The following CES5A variants were observed in gnomAD, a reference collection of about 807,000 sequenced individuals.
CES5A encodes the protein carboxylesterase 5.
A neutral mutation model predicts 62.9 loss-of-function variants in CES5A; 67 were observed. The ratio of observed to expected loss-of-function variants is 1.07; its 90% CI spans 0.88 to 1.31. The LOEUF (loss-of-function observed/expected upper bound fraction) is 1.31. CES5A is among the 50% of genes most tolerant of loss of function. The pLI is 0.00. For synonymous variants in CES5A, 296 were observed against 280.8 expected (o/e 1.05, Z -0.54); for missense variants, 748 against 708.5 (o/e 1.06, Z -0.63).
upstream of CES5A, among the ~76,000 whole-genome samples, chr16:55,875,707 C>T (rs931644575): frequency 2.6e-5 from 4 of 152,172 alleles, no homozygotes; most frequent in East Asian, 1.9e-4. Flanking sequence ...ACAAGCAGCC[C>T]GGCTGGCCCT....
In CES5A at chr16:55,944,230, CT is replaced by C. The variant is rs1425686846; in HGVS notation, c.160+5554del. ...GACAGTACGACTCTGAACAAGACCC[CT>C]CTCCTCCAGGGACTTTTTGCCTCAC... On this transcript the variant is annotated intron_variant, in intron 2 of 13. Coordinates refer to the CES5A transcript ENST00000521992. The C allele has an allele frequency of 4.7e-6, 3 of 634,068 alleles. No homozygotes were observed. The African/African-American group carries it at 5.5e-5, about 12-fold the overall frequency. 39.3% of individuals were successfully genotyped at this position (634,068 alleles called of 1,614,324 possible). A position where few individuals can be genotyped will look rare whatever the true frequency, so the allele number is the denominator to read the frequency against.
intron 1 of CES5A, among the ~76,000 whole-genome samples, chr16:55,913,132 T>C (rs1295112798): frequency 6.6e-6 from 1 of 152,182 alleles, no homozygotes; most frequent in African/African-American, 2.4e-5. Flanking sequence ...GTTTTTCAGA[T>C]AATTTGGCAG....
At chr16:55,884,195 T>A (rs2033789910) in intron 1 of CES5A, among the ~76,000 whole-genome samples, 1 of 152,256 alleles carries the variant, frequency 6.6e-6, no homozygotes, top group Non-Finnish European at 1.5e-5. Flanking sequence ...TTGCCACAGA[T>A]CTGGGAACTG....
upstream of CES5A, among the ~76,000 whole-genome samples, chr16:55,930,087 A>G (rs1362671748): frequency 6.6e-6 from 1 of 152,096 alleles, no homozygotes; most frequent in Non-Finnish European, 1.5e-5. Flanking sequence ...GGTCAGATGG[A>G]ACACACCCAC....
rs988627219 is a variant in CES5A, at chr16:55,901,904, T to C, written c.-256+23419A>G. The stretch of plus-strand genomic sequence containing the variant: ...ATTGCAGCTGTGCTGGGATTGTCTG[T>C]CTGTTAGCACGTGGTTTAGCAGCCA... On this transcript the variant is annotated intron_variant, in intron 1 of 12. Transcript: ENST00000518005. 8.5e-5 allele frequency among the ~76,000 whole-genome samples: 13 copies of C among 152,332 alleles called. No homozygotes were observed. In the South Asian group the frequency reaches 2.7e-3, roughly 32 times the overall value.
rs568439841 is a variant in CES5A at position 55,946,836 on chromosome 16, C to T, written c.160+2949G>A. Among the ~76,000 whole-genome samples the T allele has an allele frequency of 2.6e-5, 4 of 152,356 alleles. No individual in the cohort carries two copies. The South Asian group carries it at 8.3e-4, about 32-fold the overall frequency. On this transcript the variant is annotated intron_variant, in intron 2 of 13. Transcript: ENST00000521992. ...TTTGGTTTGATCCAGGTACTCCAGG[C>T]ATCCCTCAGTTCTTGGACCACCAGG...
At chr16:55,941,777 T>C (rs1190323979) in intron 2 of CES5A, among the ~76,000 whole-genome samples, 1 of 152,112 alleles carries the variant, frequency 6.6e-6, no homozygotes, top group Non-Finnish European at 1.5e-5. Flanking sequence ...GGCACATAGA[T>C]AGCATAAGGG....
intron 2 of CES5A, among the ~76,000 whole-genome samples, chr16:55,933,864 G>C (rs1312927418): frequency 6.6e-6 from 1 of 152,000 alleles, no homozygotes; most frequent in African/African-American, 2.4e-5. Flanking sequence ...TCTTTGCAAT[G>C]GTCTACAAAG....
chr16:55,901,497 C>CA lies in CES5A; in HGVS notation c.-256+23825dup, dbSNP rs1237056307. Among the ~76,000 whole-genome samples the CA allele has an allele frequency of 5.3e-5, 8 of 152,138 alleles. No individual in the cohort carries two copies. In the South Asian group the frequency reaches 6.2e-4, roughly 12 times the overall value. ...ATAAAGTTAAAATAAAGCCCCTCAGCAAAAAATACACAAGGCTGCCCAACC... is the reference window on the plus strand; with the variant it reads ...ATAAAGTTAAAATAAAGCCCCTCAGCAAAAAAATACACAAGGCTGCCCAACC... On this transcript the variant is annotated intron_variant, in intron 1 of 12. Transcript: ENST00000518005.
intron 2 of CES5A, among the ~76,000 whole-genome samples, chr16:55,933,503 T>C (rs2034335327): frequency 6.6e-6 from 1 of 152,166 alleles, no homozygotes. Context: ...GCCCTTCCCT[T>C]CCAATGAATC....
chr16:55,874,924 G>A (rs2033666698), intron 1 of CES5A, among the ~76,000 whole-genome samples: 1 of 152,194 alleles, frequency 6.6e-6, no homozygotes, highest in Non-Finnish European at 1.5e-5. Flanking sequence ...TGCAGGGTGT[G>A]AGCAACCCAA....
upstream of CES5A, among the ~76,000 whole-genome samples, chr16:55,929,684 T>C (rs528403932): frequency 1.3e-5 from 2 of 152,264 alleles, no homozygotes; most frequent in African/African-American, 2.4e-5. Flanking sequence ...AAAATTTACA[T>C]GAAGACAGCA....
intron 1 of CES5A, among the ~76,000 whole-genome samples, chr16:55,899,467 C>T (rs577668258): frequency 6.6e-6 from 1 of 152,180 alleles, no homozygotes; most frequent in Non-Finnish European, 1.5e-5. Context: ...CCTGGATTCA[C>T]ATGGTAGTGT....
chr16:55,858,421 A>G (rs2033286455), intron 8 of CES5A, among the ~76,000 whole-genome samples: 1 of 152,196 alleles, frequency 6.6e-6, no homozygotes. Flanking sequence ...CAGTAGTTAC[A>G]GTGGTGATTG....
chr16:55,885,979 G>A lies in CES5A; in HGVS notation c.-255-11942C>T, dbSNP rs950223591. On this transcript the variant is annotated intron_variant, in intron 1 of 12. Coordinates refer to the CES5A transcript ENST00000518005. ...GTTACACACACATGGCTGACCCCAC[G>A]TTGTCTCCCTCTACTGCACCAATGC... 2.6e-5 allele frequency among the ~76,000 whole-genome samples: 4 copies of A among 152,320 alleles called. No individual in the cohort carries two copies. The East Asian group carries it at 5.8e-4, about 22-fold the overall frequency.
At chr16:55,875,666 G>A (rs2033682836), upstream of CES5A, among the ~76,000 whole-genome samples, 2 of 152,198 alleles carry the variant, frequency 1.3e-5, no homozygotes, top group Non-Finnish European at 1.5e-5. Flanking sequence ...ACAAGCGAGT[G>A]GCTCTGAAGG....
At chr16:55,922,840 C>T (rs1338645120) in intron 1 of CES5A, among the ~76,000 whole-genome samples, 1 of 151,734 alleles carries the variant, frequency 6.6e-6, no homozygotes, top group African/African-American at 2.4e-5. Flanking sequence ...ATATCAAGTA[C>T]CTTTTTTGAT....
At chr16:55,864,786 G>A (rs1316262178) in intron 5 of CES5A, among the ~76,000 whole-genome samples, 1 of 152,262 alleles carries the variant, frequency 6.6e-6, no homozygotes, top group South Asian at 2.1e-4. Context: ...GCGCATGCCT[G>A]TAGTCCTAGC....
At chr16:55,865,142 G>C (rs572438483) in intron 5 of CES5A, among the ~76,000 whole-genome samples, 65 of 152,120 alleles carry the variant, frequency 4.3e-4, no homozygotes, top group Non-Finnish European at 7.9e-4. Flanking sequence ...GGAGGCGGAG[G>C]TTCTGGTGAG....
Sources: gnomAD v4.1 joint callset for allele counts (sites outside exome capture counted in the v4.1 genomes callset) on GRCh38, gnomAD v4.1.1 for gene constraint, MANE v1.5 for transcripts, NCBI Gene and HGNC (gene_info 2026-07-23, HGNC 2026-07-21) for gene names.